The following ZNF570 variants were observed in gnomAD, a reference collection of about 807,000 sequenced individuals.
ZNF570 encodes zinc finger protein 570.
In ZNF570, 8 loss-of-function variants were observed where a neutral mutation model predicts 14.2. The observed-to-expected ratio is 0.56, with a 90% confidence interval of 0.33 to 1.02. The LOEUF (loss-of-function observed/expected upper bound fraction) is 1.02, where lower values mean the gene tolerates loss of function less well. Among genes scored for constraint, ZNF570 ranks in the 50% least tolerant of loss-of-function variants. The probability of loss-of-function intolerance (pLI) is 0.03; values close to 1 mark genes in which losing one functional copy is unlikely to be tolerated. For missense variants in ZNF570, 559 were observed against 624.9 expected (o/e 0.89, Z 1.12); for synonymous variants, 202 against 207.6 (o/e 0.97, Z 0.23).
At position 37,484,441 on chromosome 19, in the gene ZNF570, C is replaced by T. The variant is rs2042125073; in HGVS notation, c.819C>T (p.Pro273=). 1.2e-6 allele frequency: 2 copies of T among 1,613,800 alleles called. No homozygotes were observed. Among genetic ancestry groups the T allele is most frequent in the Admixed American group, 1.7e-5 (1 of 59,984 alleles). ...QHQRIHTGEK[P]YECKECRKAF... is the part of the protein sequence containing the mutation. The stretch of plus-strand genomic sequence containing the variant: ...AGAGGATTCATACTGGAGAAAAACC[C>T]TATGAATGTAAGGAATGTAGGAAAG... The change falls in exon 5 of 5, where the codon CCC becomes CCT. Residue 273 remains proline, a synonymous_variant. Transcript: ENST00000330173.
Position 37,484,566 on chromosome 19 carries a change from C to T in ZNF570, c.944C>T (p.Ala315Val). ...TGTCGAAAAGCCTTCAGCCAGTTTGCCTACCTTGCTCAACATCAGAGAGTT... is the reference window on the plus strand; with the variant it reads ...TGTCGAAAAGCCTTCAGCCAGTTTGTCTACCTTGCTCAACATCAGAGAGTT... ...KVCRKAFSQFAYLAQHQRVHT... is the reference protein window; with the variant it reads ...KVCRKAFSQFVYLAQHQRVHT... Residue 315 changes from alanine to valine, a missense_variant, in exon 5 of 5, where the codon GCC becomes GTC. Ala to Val is a moderately conservative substitution (Grantham distance 64, BLOSUM62 0). Coordinates refer to ENST00000330173, the MANE Select transcript of ZNF570 (RefSeq NM_144694.5). The T allele has an allele frequency of 6.2e-7, 1 of 1,614,130 alleles. No individual in the cohort carries two copies.
intron 2 of ZNF570, among the ~76,000 whole-genome samples, chr19:37,474,294 T>G (rs1210524309): frequency 6.6e-6 from 1 of 152,186 alleles, no homozygotes; most frequent in Admixed American, 6.5e-5. Context: ...ATATAAATAT[T>G]TATACATTTA....
chr19:37,474,335 A>C (rs1006843520), intron 2 of ZNF570, among the ~76,000 whole-genome samples: 1 of 152,202 alleles, frequency 6.6e-6, no homozygotes, highest in South Asian at 2.1e-4. Flanking sequence ...TAAGGAAAAC[A>C]TTTTAGGAAG....
chr19:37,472,708 C>A (rs908011688), intron 2 of ZNF570, among the ~76,000 whole-genome samples: 1 of 146,654 alleles, frequency 6.8e-6, no homozygotes, highest in Middle Eastern at 3.6e-3. Context: ...TGCCATGGCA[C>A]TCCAGCCTGG....
upstream of ZNF570, chr19:37,467,802 G>C (rs1478902337): frequency 2.2e-6 from 3 of 1,366,406 alleles, no homozygotes; most frequent in Non-Finnish European, 3.0e-6. Context: ...ATCTGAGGTC[G>C]TGCGAATATG....
chr19:37,487,504 T>C lies in ZNF570; in HGVS notation c.*2271T>C, dbSNP rs2042168917. 1 of 152,154 alleles carries C rather than the reference T, an allele frequency of 6.6e-6. No homozygotes were observed. Among genetic ancestry groups the C allele is most frequent in the African/African-American group, 2.4e-5 (1 of 41,444 alleles). The allele number at this position is 152,154 out of a possible 1,614,324, so 9.4% of individuals were successfully genotyped here. A position where few individuals can be genotyped will look rare whatever the true frequency, so the allele number is the denominator to read the frequency against. The stretch of plus-strand genomic sequence containing the variant: ...AAGGCCACATTCTCATGGAGTAAAA[T>C]TCCAGAGGTGGAGACATGTAATTAA... On this transcript the variant is annotated 3_prime_UTR_variant, in exon 5 of 5. Transcript: ENST00000330173.
chr19:37,483,990 C>T lies in ZNF570; in HGVS notation c.368C>T (p.Ser123Phe), dbSNP rs1600388534. 1.9e-6 allele frequency: 3 copies of T among 1,613,808 alleles called. No homozygotes were observed. Among genetic ancestry groups the T allele is most frequent in the African/African-American group, 1.3e-5 (1 of 74,876 alleles). The change falls in exon 5 of 5, where the codon TCC (serine) becomes TTC (phenylalanine). Residue 123 changes from serine (S) to phenylalanine (F), a missense_variant. Physicochemically the swap from Ser to Phe is radical, Grantham distance 155 (BLOSUM62 -2). Coordinates refer to ENST00000330173, the MANE Select transcript of ZNF570 (RefSeq NM_144694.5). ...ETLTSYNLEY[S>F]SLREEWKCEG... ...CTTACAAGCTATAACCTTGAATACT[C>T]CAGTTTGAGAGAAGAGTGGAAATGT...
chr19:37,479,726 A>G (rs1426557509), intron 4 of ZNF570, among the ~76,000 whole-genome samples: 1 of 152,038 alleles, frequency 6.6e-6, no homozygotes, highest in Non-Finnish European at 1.5e-5. Context: ...GTGAATTCTT[A>G]TATTATTGTT....
chr19:37,477,943 C>G (rs1184314332), intron 4 of ZNF570, among the ~76,000 whole-genome samples: 1 of 152,112 alleles, frequency 6.6e-6, no homozygotes. Flanking sequence ...TCATTGATCT[C>G]TGTTTCCTTA....
In ZNF570 at chr19:37,483,741, C is replaced by A. The variant is rs979251420; in HGVS notation, c.257-138C>A. 5.2e-6 allele frequency: 4 copies of A among 774,606 alleles called. No individual in the cohort carries two copies. The Admixed American group carries it at 9.9e-5, about 19-fold the overall frequency. The allele number at this position is 774,606 out of a possible 1,614,324, so 48.0% of individuals were successfully genotyped here. A position where few individuals can be genotyped will look rare whatever the true frequency, so the allele number is the denominator to read the frequency against. On this transcript the variant is annotated intron_variant, in intron 4 of 4. Transcript: ENST00000330173. ...CCTGTTTTCAGTTTCTCTTCTTGTA[C>A]ACTTCAGAACTGCAAAAGCCAATGT...
intron 3 of ZNF570, 43 bp downstream of exon 3, chr19:37,476,050 G>A: frequency 1.3e-6 from 2 of 1,565,904 alleles, no homozygotes; most frequent in South Asian, 1.2e-5. Flanking sequence ...GCTCAAAAGG[G>A]GCTCTTTGCT....
intron 4 of ZNF570, among the ~76,000 whole-genome samples, chr19:37,477,534 G>A (rs1174153884): frequency 6.6e-6 from 1 of 151,562 alleles, no homozygotes; most frequent in African/African-American, 2.4e-5. Flanking sequence ...TAGAGACGAG[G>A]TTTCACCATG....
At position 37,483,961 on chromosome 19, in the gene ZNF570, A is replaced by G; in HGVS notation, c.339A>G (p.Glu113=). ...AACATCAATCCCAGAAGATAATAGA[A>G]ACACTTACAAGCTATAACCTTGAAT... ...YEEHQSQKII[E]TLTSYNLEYS... The change falls in exon 5 of 5, where the codon GAA becomes GAG. Residue 113 remains glutamate, a synonymous_variant. Coordinates refer to ENST00000330173, the MANE Select transcript of ZNF570 (RefSeq NM_144694.5). 2 of 1,613,950 alleles carry G rather than the reference A, an allele frequency of 1.2e-6. No individual in the cohort carries two copies. Among genetic ancestry groups the G allele is most frequent in the Non-Finnish European group, 1.7e-6 (2 of 1,180,010 alleles).
At chr19:37,482,177 T>C (rs2042095129) in intron 4 of ZNF570, among the ~76,000 whole-genome samples, 1 of 152,238 alleles carries the variant, frequency 6.6e-6, no homozygotes, top group African/African-American at 2.4e-5. Context: ...TTTCATGGAA[T>C]AGCAACCAGC....
At chr19:37,468,484 G>A (rs983301878), upstream of ZNF570, among the ~76,000 whole-genome samples, 3 of 151,754 alleles carry the variant, frequency 2.0e-5, no homozygotes, top group African/African-American at 7.3e-5. Flanking sequence ...GATCATTTGA[G>A]GTCACGAGGT....
intron 3 of ZNF570, 67 bp from the exon 4 acceptor site, chr19:37,476,272 G>T: frequency 1.3e-6 from 2 of 1,568,130 alleles, no homozygotes; most frequent in South Asian, 2.3e-5. Context: ...ATGAGCTAAG[G>T]ATTGAATGTG....
chr19:37,477,510 T>G (rs1362926611), intron 4 of ZNF570, among the ~76,000 whole-genome samples: 1 of 151,740 alleles, frequency 6.6e-6, no homozygotes, highest in Non-Finnish European at 1.5e-5. Context: ...TGGCTAATTT[T>G]TTTGTATTTT....
In ZNF570 at chr19:37,476,000, A is replaced by G. The variant is rs1375290161; in HGVS notation, c.153A>G (p.Val51=). The G allele has an allele frequency of 8.7e-6, 14 of 1,609,858 alleles. No homozygotes were observed. The South Asian group carries it at 1.0e-4, about 12-fold the overall frequency. Residue 51 remains valine (V), a synonymous_variant, in exon 3 of 5, where the codon GTA becomes GTG. Transcript: ENST00000330173. The part of the protein sequence containing the change: ...NVMLENYRIL[V]SLGLCFSKPS... ...TGCTAGAGAACTACAGGATCTTGGTATCACTGGGTAAGGATATCTTCTTGC... is the reference window on the plus strand; with the variant it reads ...TGCTAGAGAACTACAGGATCTTGGTGTCACTGGGTAAGGATATCTTCTTGC...
intron 2 of ZNF570, among the ~76,000 whole-genome samples, chr19:37,471,460 C>T (rs1017812010): frequency 1.5e-4 from 23 of 152,166 alleles, no homozygotes; most frequent in Admixed American, 3.3e-4. Context: ...TTAGTAAGCA[C>T]CCATTACCAC....
Sources: gnomAD v4.1 joint callset for allele counts (sites outside exome capture counted in the v4.1 genomes callset) on GRCh38, gnomAD v4.1.1 for gene constraint, MANE v1.5 for transcripts, NCBI Gene and HGNC (gene_info 2026-07-23, HGNC 2026-07-21) for gene names.